The following ENTREP2 variants were observed in gnomAD, a reference collection of about 807,000 sequenced individuals.
ENTREP2 encodes the protein protein ENTREP2.
the ENTREP2 span, chr15:29,265,044 A>G: frequency 5.9e-5 from 9 of 152,230 alleles, no homozygotes; most frequent in African/African-American, 2.2e-4. Context: ...AAGAGCATAT[A>G]TACATCCAAA....
At chr15:29,235,442 G>A in the ENTREP2 span, among the ~76,000 whole-genome samples, 3 of 152,138 alleles carry the variant, frequency 2.0e-5, no homozygotes, top group African/African-American at 7.2e-5. Context: ...CTACCTTAAA[G>A]AGAGTCTCTA....
chr15:29,565,241 G>C, the ENTREP2 span, among the ~76,000 whole-genome samples: 1 of 152,058 alleles, frequency 6.6e-6, no homozygotes, highest in Non-Finnish European at 1.5e-5. Context: ...AATATCCCAC[G>C]CTGCAAGAGG....
At chr15:29,227,065 C>A in the ENTREP2 span, among the ~76,000 whole-genome samples, 1 of 152,194 alleles carries the variant, frequency 6.6e-6, no homozygotes, top group Non-Finnish European at 1.5e-5. Flanking sequence ...ACTGCCACAG[C>A]CCCGTGCTGG....
chr15:29,158,903 AATT>A, the ENTREP2 span, among the ~76,000 whole-genome samples: 2 of 152,232 alleles, frequency 1.3e-5, no homozygotes, highest in Admixed American at 1.3e-4. Context: ...ACAGTTGATA[AATT>A]ATTTTGAAAA....
the ENTREP2 span, among the ~76,000 whole-genome samples, chr15:29,129,606 C>G: frequency 1.3e-5 from 2 of 152,240 alleles, no homozygotes; most frequent in Non-Finnish European, 2.9e-5. Context: ...CCTCAGCCTT[C>G]TGAGTAGCTG....
the ENTREP2 span, among the ~76,000 whole-genome samples, chr15:29,571,035 T>C: frequency 6.8e-6 from 1 of 146,022 alleles, no homozygotes; most frequent in African/African-American, 2.5e-5. Context: ...CCGCCGCCGC[T>C]GCTGCCGTAC....
At chr15:29,211,860 G>C in the ENTREP2 span, among the ~76,000 whole-genome samples, 4 of 149,840 alleles carry the variant, frequency 2.7e-5, no homozygotes, top group African/African-American at 1.0e-4. Context: ...CTTTTGATAT[G>C]TTGTTGGATT....
chr15:29,251,731 GT>G, the ENTREP2 span, among the ~76,000 whole-genome samples: 8 of 104,434 alleles, frequency 7.7e-5, no homozygotes, highest in South Asian at 1.4e-3. Flanking sequence ...AACATTATGA[GT>G]TTTTTTTGTG....
At chr15:29,262,094 A>AG in the ENTREP2 span, among the ~76,000 whole-genome samples, 529 of 131,324 alleles carry the variant, frequency 4.0e-3, 2 homozygotes, top group African/African-American at 0.012. Flanking sequence ...AAAAAAAAAA[A>AG]AGGGCGAAGG....
At chr15:29,237,020 TA>T in the ENTREP2 span, among the ~76,000 whole-genome samples, 1 of 152,222 alleles carries the variant, frequency 6.6e-6, no homozygotes, top group Non-Finnish European at 1.5e-5. Flanking sequence ...TAAAGATTAC[TA>T]CATGCCATGG....
chr15:29,402,265 T>TATATATATATATATATATATACAC, the ENTREP2 span, among the ~76,000 whole-genome samples: 82 of 137,834 alleles, frequency 5.9e-4, 1 homozygote, highest in Non-Finnish European at 8.9e-4. Context: ...TATATATATA[T>TATATATATATATATATATATACAC]ACACACACAT....
At chr15:29,472,472 C>CACACAT in the ENTREP2 span, among the ~76,000 whole-genome samples, 16 of 120,690 alleles carry the variant, frequency 1.3e-4, no homozygotes, top group African/African-American at 3.4e-4. Context: ...CACACACACA[C>CACACAT]ATATAAATTT....
At chr15:29,218,085 G>C in the ENTREP2 span, among the ~76,000 whole-genome samples, 278 of 152,316 alleles carry the variant, frequency 1.8e-3, no homozygotes, top group Admixed American at 3.7e-3. Flanking sequence ...TCTGCACAGA[G>C]TCCTGTGATG....
chr15:29,665,592 C>A, the ENTREP2 span, among the ~76,000 whole-genome samples: 2 of 152,174 alleles, frequency 1.3e-5, no homozygotes, highest in Non-Finnish European at 2.9e-5. Context: ...ATTTGGAGAG[C>A]TGCGCTGACT....
the ENTREP2 span, among the ~76,000 whole-genome samples, chr15:29,565,362 G>A: frequency 6.6e-6 from 1 of 151,716 alleles, no homozygotes; most frequent in Non-Finnish European, 1.5e-5. Flanking sequence ...ATACTCATCA[G>A]CTAGCAATTC....
chr15:29,189,544 G>A, the ENTREP2 span, among the ~76,000 whole-genome samples: 2 of 151,804 alleles, frequency 1.3e-5, no homozygotes, highest in South Asian at 2.1e-4. Context: ...GGGTAATTTG[G>A]TTTATTGTGG....
the ENTREP2 span, among the ~76,000 whole-genome samples, chr15:29,390,195 A>G: frequency 6.6e-6 from 1 of 152,196 alleles, no homozygotes; most frequent in Non-Finnish European, 1.5e-5. Context: ...TCCAGCTACC[A>G]GCAAGGATTA....
At chr15:29,659,819 C>A in the ENTREP2 span, among the ~76,000 whole-genome samples, 5 of 149,300 alleles carry the variant, frequency 3.3e-5, no homozygotes, top group Non-Finnish European at 7.4e-5. Context: ...TTTTTTGAGA[C>A]AGAGTCTTGC....
chr15:29,524,157 A>T, the ENTREP2 span, among the ~76,000 whole-genome samples: 1 of 152,218 alleles, frequency 6.6e-6, no homozygotes, highest in African/African-American at 2.4e-5. Context: ...AAATACATAA[A>T]TAACTGTTAC....
Sources: gnomAD v4.1 joint callset for allele counts (sites outside exome capture counted in the v4.1 genomes callset) on GRCh38, gnomAD v4.1.1 for gene constraint, MANE v1.5 for transcripts, NCBI Gene and HGNC (gene_info 2026-07-23, HGNC 2026-07-21) for gene names.